PRDM6: variants seen among roughly 807,000 people sequenced by gnomAD.
PRDM6 encodes putative histone-lysine N-methyltransferase PRDM6.
Under a neutral mutation model 60.8 loss-of-function variants are expected in PRDM6, and 25 were observed. The ratio of observed to expected loss-of-function variants is 0.41; its 90% CI spans 0.30 to 0.57. The LOEUF is 0.57. PRDM6 is among the 20% of genes least tolerant of loss of function. The pLI, the probability that PRDM6 is intolerant of heterozygous loss-of-function variation, is 0.27. For synonymous variants in PRDM6, 407 were observed against 357.4 expected, an observed-to-expected ratio of 1.14 and a Z score of -1.57; for missense variants, 839 against 821.3, an observed-to-expected ratio of 1.02 and a Z score of -0.26.
intron 3 of PRDM6, among the ~76,000 whole-genome samples, chr5:123,119,697 T>C (rs1439575555): frequency 6.6e-6 from 1 of 152,232 alleles, no homozygotes; most frequent in East Asian, 1.9e-4. Flanking sequence ...CTTCCTTCTC[T>C]GATAATCTAT....
At chr5:123,108,862 C>G (rs1467029376) in intron 3 of PRDM6, among the ~76,000 whole-genome samples, 1 of 152,176 alleles carries the variant, frequency 6.6e-6, no homozygotes, top group South Asian at 2.1e-4. Flanking sequence ...TTTGCACTAT[C>G]TCTTTGATAC....
At chr5:123,183,095 G>T (rs2126892367) in intron 7 of PRDM6, among the ~76,000 whole-genome samples, 1 of 152,066 alleles carries the variant, frequency 6.6e-6, no homozygotes, top group South Asian at 2.1e-4. Flanking sequence ...TTTTTTTGCA[G>T]ATTAGTCAAT....
At chr5:123,136,382 G>GGC (rs1561842131) in intron 3 of PRDM6, among the ~76,000 whole-genome samples, 18 of 151,900 alleles carry the variant, frequency 1.2e-4, no homozygotes, top group Non-Finnish European at 1.9e-4. Context: ...TGAGATATGG[G>GGC]ACGTTATTCA....
chr5:123,120,278 G>A (rs1017872482), intron 3 of PRDM6, among the ~76,000 whole-genome samples: 8 of 152,198 alleles, frequency 5.3e-5, no homozygotes, highest in Non-Finnish European at 1.0e-4. Context: ...CCTGTGTTAT[G>A]TCCAAACAGT....
intron 3 of PRDM6, among the ~76,000 whole-genome samples, chr5:123,131,278 C>T (rs1764828713): frequency 6.6e-6 from 1 of 151,714 alleles, no homozygotes; most frequent in African/African-American, 2.4e-5. Flanking sequence ...AATAGGGCAG[C>T]CATAGTTAAT....
intron 3 of PRDM6, among the ~76,000 whole-genome samples, chr5:123,135,262 C>T (rs754002028): frequency 1.3e-5 from 2 of 152,162 alleles, no homozygotes; most frequent in Admixed American, 6.6e-5. Context: ...GCATTTAAAA[C>T]ATTTTATTTA....
In PRDM6 at chr5:123,187,400, C is replaced by G. The variant is rs1268184089; in HGVS notation, c.*199C>G. 4.6e-6 allele frequency: 2 copies of G among 431,376 alleles called. No individual in the cohort carries two copies. The highest frequency in any genetic ancestry group is 2.5e-5 in the South Asian group (1 of 39,240). 26.7% of individuals were successfully genotyped at this position (431,376 alleles called of 1,614,324 possible). A position where few individuals can be genotyped will look rare whatever the true frequency, so the allele number is the denominator to read the frequency against. On this transcript the variant is annotated 3_prime_UTR_variant, in exon 8 of 8. Transcript: ENST00000407847. ...CAGGAAAGAGATTATTTATTTATGA[C>G]TTAGGGATGAGACTTATTTCAGTGG...
At position 123,090,473 on chromosome 5, in the gene PRDM6, T is replaced by C. The variant is rs771504043; in HGVS notation, c.459T>C (p.Gly153=). 577 of 1,483,246 alleles carry C rather than the reference T, an allele frequency of 3.9e-4. 3 individuals are homozygous for C. Among genetic ancestry groups the C allele is most frequent in the Non-Finnish European group, 4.4e-4 (499 of 1,125,288 alleles). The allele number at this position is 1,483,246 out of a possible 1,614,324, so 91.9% of individuals were successfully genotyped here. The change falls in exon 2 of 8, where the codon GGT becomes GGC. Residue 153 remains glycine (G), a synonymous_variant. Coordinates refer to ENST00000407847, the MANE Select transcript of PRDM6 (RefSeq NM_001136239.4). ...SGPGPVKCGG[G]GGGGGEGRGA... ...CCGGGCCCGTCAAGTGCGGTGGTGG[T>C]GGCGGCGGCGGCGGGGAGGGTCGCG...
At chr5:123,151,005 G>T (rs932310404) in intron 3 of PRDM6, among the ~76,000 whole-genome samples, 2 of 152,176 alleles carry the variant, frequency 1.3e-5, no homozygotes, top group Non-Finnish European at 2.9e-5. Flanking sequence ...TTCTTCTTAA[G>T]CTTTGAGTAA....
rs773606104 is a variant in PRDM6 at position 123,192,369 on chromosome 5, A to G, written c.*5168A>G. 2 of 152,214 alleles carry G rather than the reference A, an allele frequency of 1.3e-5. No individual in the cohort carries two copies. The highest frequency in any genetic ancestry group is 2.9e-5 in the Non-Finnish European group (2 of 68,036). 9.4% of individuals were successfully genotyped at this position (152,214 alleles called of 1,614,324 possible). On this transcript the variant is annotated 3_prime_UTR_variant, in exon 8 of 8. Coordinates refer to ENST00000407847, the MANE Select transcript of PRDM6 (RefSeq NM_001136239.4). ...AACAGGCAATTGTTAAAAGAGGAAAATACTTCTCTATGTAAAGCTTTTTTT... is the reference window on the plus strand; with the variant it reads ...AACAGGCAATTGTTAAAAGAGGAAAGTACTTCTCTATGTAAAGCTTTTTTT...
At chr5:123,101,029 C>A (rs1764091503) in intron 3 of PRDM6, among the ~76,000 whole-genome samples, 1 of 152,138 alleles carries the variant, frequency 6.6e-6, no homozygotes. Flanking sequence ...CCCCTGGGCT[C>A]CATTAATGCA....
rs927791366 is a variant in PRDM6 at position 123,099,515 on chromosome 5, C to T, written c.593-139C>T. 4.0e-6 allele frequency: 3 copies of T among 750,866 alleles called. No individual in the cohort carries two copies. Among genetic ancestry groups the T allele is most frequent in the South Asian group, 4.4e-5 (2 of 45,216 alleles). 46.5% of individuals were successfully genotyped at this position (750,866 alleles called of 1,614,324 possible). On this transcript the variant is annotated intron_variant, in intron 2 of 7. Coordinates refer to ENST00000407847, the MANE Select transcript of PRDM6 (RefSeq NM_001136239.4). The surrounding 1 kb of genome is among the most constrained non-coding windows in gnomAD (Gnocchi z 4.0). ...CCTCCTCTGAGTTGCTTCGGTGCCC[C>T]CAAGGCATCACCTTCCTCGAAGGTG...
intron 2 of PRDM6, among the ~76,000 whole-genome samples, chr5:123,096,425 A>G (rs1763961073): frequency 6.6e-6 from 1 of 152,202 alleles, no homozygotes; most frequent in Non-Finnish European, 1.5e-5. Context: ...ATCCCAAGAA[A>G]TGTTACTTGT....
rs899499882 is a variant in PRDM6, at chr5:123,190,655, T to A, written c.*3454T>A. On this transcript the variant is annotated 3_prime_UTR_variant, in exon 8 of 8. Coordinates refer to ENST00000407847, the MANE Select transcript of PRDM6 (RefSeq NM_001136239.4). ...AATTGAATTTTACCTTGTAAAAATT[T>A]CATTCTGGTTCAGGTATGCAAAGAT... 7.2e-5 allele frequency: 11 copies of A among 152,228 alleles called. No homozygotes were observed. Among genetic ancestry groups the A allele is most frequent in the African/African-American group, 2.7e-4 (11 of 41,464 alleles). 9.4% of individuals were successfully genotyped at this position (152,228 alleles called of 1,614,324 possible). A position where few individuals can be genotyped will look rare whatever the true frequency, so the allele number is the denominator to read the frequency against.
chr5:123,105,685 C>T (rs1764185813), intron 3 of PRDM6, among the ~76,000 whole-genome samples: 1 of 152,142 alleles, frequency 6.6e-6, no homozygotes, highest in South Asian at 2.1e-4. Flanking sequence ...CTGCCTCCTT[C>T]GTTCTTTTTC....
At chr5:123,131,610 A>G (rs567809940) in intron 3 of PRDM6, among the ~76,000 whole-genome samples, 3 of 152,336 alleles carry the variant, frequency 2.0e-5, no homozygotes, top group Non-Finnish European at 4.4e-5. Flanking sequence ...TCCATTTACT[A>G]TGTCAGAAAC....
At chr5:123,114,891 C>T (rs1448165315) in intron 3 of PRDM6, among the ~76,000 whole-genome samples, 1 of 152,172 alleles carries the variant, frequency 6.6e-6, no homozygotes, top group African/African-American at 2.4e-5. Flanking sequence ...AAGGACCACT[C>T]TGGATGCTTG....
At chr5:123,129,147 T>C (rs1053445431) in intron 3 of PRDM6, among the ~76,000 whole-genome samples, 4 of 152,232 alleles carry the variant, frequency 2.6e-5, no homozygotes, top group African/African-American at 9.6e-5. Context: ...ACCAGTACCA[T>C]GCTGATTTGG....
chr5:123,153,019 GAGAA>G (rs1373292238), intron 3 of PRDM6, among the ~76,000 whole-genome samples: 1 of 152,070 alleles, frequency 6.6e-6, no homozygotes, highest in East Asian at 1.9e-4. Context: ...ATTGATAAAA[GAGAA>G]AGAACAGACC....
Sources: allele counts gnomAD v4.1 joint callset (sites outside exome capture counted in the v4.1 genomes callset), GRCh38; gene constraint gnomAD v4.1.1; non-coding constraint Gnocchi (gnomAD v3.1); transcripts MANE v1.5; gene names NCBI Gene and HGNC (gene_info 2026-07-23, HGNC 2026-07-21).